CFAP46: variants seen among roughly 807,000 people sequenced by gnomAD.
CFAP46 encodes cilia and flagella associated protein 46, also known as cilia- and flagella-associated protein 46.
In CFAP46, 245 loss-of-function variants were observed where a neutral mutation model predicts 325.7. That is an observed-to-expected ratio of 0.75 (90% CI 0.68 to 0.84). CFAP46 has a LOEUF of 0.84. Among genes scored for constraint, CFAP46 ranks in the 40% least tolerant of loss-of-function variants. The pLI is 0.00. For missense variants in CFAP46, 3,346 were observed against 3,543.0 expected, an observed-to-expected ratio of 0.94 and a Z score of 1.41; for synonymous variants, 1,523 against 1,495.9, an observed-to-expected ratio of 1.02 and a Z score of -0.42.
rs374541880 is a variant in CFAP46 at position 132,838,937 on chromosome 10, G to C, written c.6439-2023C>G. Among the ~76,000 whole-genome samples, 6 of 152,332 alleles carry C rather than the reference G, an allele frequency of 3.9e-5. No individual in the cohort carries two copies. In the East Asian group the frequency reaches 1.2e-3, roughly 29 times the overall value. On this transcript the variant is annotated intron_variant, in intron 44 of 57. Coordinates refer to ENST00000368586, the MANE Select transcript of CFAP46 (RefSeq NM_001200049.3). Reference sequence around the variant, plus strand: ...CATTCTGGTTGGTGTCTGGTTATCTGCGTCAGGCTTCAATTTTGCATTTCC... The same window carrying C: ...CATTCTGGTTGGTGTCTGGTTATCTCCGTCAGGCTTCAATTTTGCATTTCC...
Position 132,834,684 on chromosome 10 carries a change from A to G in CFAP46, c.6836T>C (p.Leu2279Pro), listed in dbSNP as rs775573384. The change falls in exon 48 of 58, where the codon CTA becomes CCA. Residue 2279 changes from leucine to proline, a missense_variant. Leu to Pro is a moderately conservative substitution (Grantham distance 98). Coordinates refer to ENST00000368586, the MANE Select transcript of CFAP46 (RefSeq NM_001200049.3). ...CTTGGAGAGGCTGAGCAGGGGGAAT[A>G]GCGGCTGCAGAAGCTCCTCCAGGGG... is the stretch of plus-strand genomic sequence containing the variant. ...LGPLEELLQP[L>P]FPLLSLSKAR... 6.2e-7 allele frequency: 1 copy of G among 1,613,012 alleles called. No homozygotes were observed. Among genetic ancestry groups the G allele is most frequent in the South Asian group, 1.1e-5 (1 of 90,994 alleles).
chr10:132,814,108 G>C, intron 54 of CFAP46, 44 bp downstream of exon 54: 3 of 1,535,530 alleles, frequency 2.0e-6, no homozygotes, highest in Non-Finnish European at 2.7e-6. Flanking sequence ...TGGACCCCCA[G>C]ACCTGCCACA....
intron 22 of CFAP46, among the ~76,000 whole-genome samples, chr10:132,903,494 C>G (rs1849417527): frequency 6.6e-6 from 1 of 152,254 alleles, no homozygotes; most frequent in Admixed American, 6.5e-5. Flanking sequence ...ACTCTTCCAT[C>G]TGGGCCCGCT....
In CFAP46 at chr10:132,936,951, A is replaced by G; in HGVS notation, c.755+10T>C. 1 of 1,501,090 alleles carries G rather than the reference A, an allele frequency of 6.7e-7. No homozygotes were observed. Among genetic ancestry groups the G allele is most frequent in the East Asian group, 2.4e-5 (1 of 42,548 alleles). 93.0% of individuals were successfully genotyped at this position (1,501,090 alleles called of 1,614,324 possible). A position where few individuals can be genotyped will look rare whatever the true frequency, so the allele number is the denominator to read the frequency against. On this transcript the variant is annotated intron_variant, in intron 7 of 57. Coordinates refer to ENST00000368586, the MANE Select transcript of CFAP46 (RefSeq NM_001200049.3). ...ACTCAGTATTTGCTCTCCCTCCCAAAACGACTTACGCCTTTAGCATATTAA... is the reference window on the plus strand; with the variant it reads ...ACTCAGTATTTGCTCTCCCTCCCAAGACGACTTACGCCTTTAGCATATTAA...
chr10:132,865,436 T>C (rs1043957726), intron 35 of CFAP46, among the ~76,000 whole-genome samples: 1 of 152,174 alleles, frequency 6.6e-6, no homozygotes, highest in Admixed American at 6.5e-5. Context: ...GCTTGGCTGC[T>C]CAGGGCAGAG....
At chr10:132,887,016 T>A (rs1331862426) in intron 25 of CFAP46, among the ~76,000 whole-genome samples, 1 of 151,618 alleles carries the variant, frequency 6.6e-6, no homozygotes, top group Non-Finnish European at 1.5e-5. Context: ...CTCGCCTCTC[T>A]CTCTGCTCTC....
intron 57 of CFAP46, among the ~76,000 whole-genome samples, chr10:132,810,199 G>T (rs563331186): frequency 3.3e-5 from 5 of 152,208 alleles, no homozygotes; most frequent in Non-Finnish European, 5.9e-5. Flanking sequence ...GCGCCACGGT[G>T]GGGGGCTGGG....
intron 50 of CFAP46, among the ~76,000 whole-genome samples, chr10:132,830,638 CTG>C (rs913211287): frequency 6.6e-6 from 1 of 152,164 alleles, no homozygotes; most frequent in African/African-American, 2.4e-5. Flanking sequence ...TCTCTTGACT[CTG>C]TAGTGATGCT....
In CFAP46 at chr10:132,822,071, CTG is replaced by C. The variant is rs1425913934; in HGVS notation, c.7118-7159_7118-7158del. On this transcript the variant is annotated intron_variant, in intron 50 of 57. Coordinates refer to ENST00000368586, the MANE Select transcript of CFAP46 (RefSeq NM_001200049.3). ...TGTGTGCTGTGTGTGCTGATGTGTG[CTG>C]TGTGTGCAGTGATGTGTGCTGTGTG... Among the ~76,000 whole-genome samples the C allele has an allele frequency of 2.4e-5, 3 of 125,986 alleles. No individual in the cohort carries two copies. In the East Asian group the frequency reaches 7.8e-4, roughly 33 times the overall value. 82.7% of individuals were successfully genotyped at this position (125,986 alleles called of 152,430 possible). A position where few individuals can be genotyped will look rare whatever the true frequency, so the allele number is the denominator to read the frequency against.
chr10:132,839,535 C>T (rs7085198), intron 44 of CFAP46, among the ~76,000 whole-genome samples: 18,649 of 152,166 alleles, frequency 0.12, 2,825 homozygotes, highest in African/African-American at 0.36. Flanking sequence ...CATGTTATTT[C>T]TTTTTCTAGT....
chr10:132,910,250 C>A (rs1849521539), intron 19 of CFAP46, among the ~76,000 whole-genome samples, 182 bp from the exon 20 acceptor site: 1 of 152,234 alleles, frequency 6.6e-6, no homozygotes. Flanking sequence ...AGCCCCACCC[C>A]CAGACGCCGA....
intron 16 of CFAP46, 94 bp from the exon 17 acceptor site, chr10:132,916,776 T>A (rs1849646770): frequency 7.2e-7 from 1 of 1,388,624 alleles, no homozygotes. Context: ...AGCTCTGATT[T>A]GAAAATGCCA....
chr10:132,867,229 C>T, intron 34 of CFAP46, 146 bp downstream of exon 34: 2 of 875,534 alleles, frequency 2.3e-6, no homozygotes, highest in East Asian at 2.7e-5. Flanking sequence ...GCCGGCCCCT[C>T]ACACACTGAC....
intron 27 of CFAP46, among the ~76,000 whole-genome samples, chr10:132,883,538 C>T (rs1262749173): frequency 2.6e-5 from 4 of 152,232 alleles, no homozygotes; most frequent in African/African-American, 4.8e-5. Context: ...CCTGTGAGGC[C>T]GCTGTGGGAG....
intron 39 of CFAP46, among the ~76,000 whole-genome samples, chr10:132,855,739 G>A (rs1229758506): frequency 1.3e-5 from 2 of 152,138 alleles, no homozygotes; most frequent in Admixed American, 1.3e-4. Context: ...ATCACTTCAC[G>A]CAGAGCATAG....
chr10:132,862,153 C>T (rs1193857951), intron 35 of CFAP46, among the ~76,000 whole-genome samples: 1 of 152,192 alleles, frequency 6.6e-6, no homozygotes, highest in Non-Finnish European at 1.5e-5. Flanking sequence ...GGCGACTGGG[C>T]TCTGTGGAAG....
intron 8 of CFAP46, among the ~76,000 whole-genome samples, chr10:132,933,236 C>G (rs1849940853): frequency 6.6e-6 from 1 of 152,184 alleles, no homozygotes; most frequent in Admixed American, 6.5e-5. Flanking sequence ...CTGTTGGGCC[C>G]TCTCAGGTCC....
Position 132,860,440 on chromosome 10 carries a change from G to A in CFAP46, c.5175C>T (p.Phe1725=). 1 of 1,550,958 alleles carries A rather than the reference G, an allele frequency of 6.4e-7. No homozygotes were observed. Among genetic ancestry groups the A allele is most frequent in the Non-Finnish European group, 8.7e-7 (1 of 1,146,814 alleles). The change falls in exon 37 of 58, where the codon TTC becomes TTT. Residue 1725 remains phenylalanine, a synonymous_variant. Coordinates refer to ENST00000368586, the MANE Select transcript of CFAP46 (RefSeq NM_001200049.3). ...ERPNRLPLLE[F]MITDLEARCL... is the part of the protein sequence containing the mutation. ...ACCTGGCTTCTAGATCTGTGATCATGAATTCCAGTAAAGGCAATCGGTTTG... is the reference window on the plus strand; with the variant it reads ...ACCTGGCTTCTAGATCTGTGATCATAAATTCCAGTAAAGGCAATCGGTTTG...
chr10:132,924,806 C>A lies in CFAP46; in HGVS notation c.1146G>T (p.Val382=). ...AGGTGTTCCACTGCGTGGCGCACAC[C>A]ACGTGGATGACCCGGGGGTCGCCCA... ...VRLGDPRVIH[V]VCATQWNTCL... Residue 382 remains valine (V), a synonymous_variant, in exon 11 of 58, where the codon GTG becomes GTT. Coordinates refer to ENST00000368586, the MANE Select transcript of CFAP46 (RefSeq NM_001200049.3). The A allele has an allele frequency of 6.7e-7, 1 of 1,492,630 alleles. No individual in the cohort carries two copies. The highest frequency in any genetic ancestry group is 1.4e-5 in the African/African-American group (1 of 69,750). 92.5% of individuals were successfully genotyped at this position (1,492,630 alleles called of 1,614,324 possible). A position where few individuals can be genotyped will look rare whatever the true frequency, so the allele number is the denominator to read the frequency against.
Sources: allele counts gnomAD v4.1 joint callset (sites outside exome capture counted in the v4.1 genomes callset), GRCh38; gene constraint gnomAD v4.1.1; transcripts MANE v1.5; gene names NCBI Gene and HGNC (gene_info 2026-07-23, HGNC 2026-07-21).